The following SCML2 variants were observed in gnomAD, a reference collection of about 807,000 sequenced individuals.
The protein encoded by SCML2 is sex comb on midleg-like protein 2.
SCML2 carries 6 observed loss-of-function variants against 48.4 expected under a neutral mutation model. The ratio of observed to expected loss-of-function variants is 0.12; its 90% confidence interval spans 0.07 to 0.24. SCML2 has a LOEUF of 0.24. SCML2 is among the 10% of genes least tolerant of loss of function. The pLI, the probability that SCML2 is intolerant of heterozygous loss-of-function variation, is 1.00. For synonymous variants in SCML2, 181 were observed against 189.5 expected (o/e 0.95, Z 0.37); for missense variants, 377 against 528.2 (o/e 0.71, Z 2.81).
At position 18,240,996 on chromosome X, in the gene SCML2, A is replaced by T. The variant is rs1369473085; in HGVS notation, c.*255T>A. 1 of 156,629 alleles carries T rather than the reference A, an allele frequency of 6.4e-6. No individual in the cohort carries two copies. The highest frequency in any genetic ancestry group is 3.0e-5 in the African/African-American group (1 of 32,825). 12.9% of individuals were successfully genotyped at this position (156,629 alleles called of 1,213,427 possible). ...AAAGACATAAAGAACTGCCAATTTG[A>T]ATATGCCAATACTAACCTGTTAAAT... is the stretch of plus-strand genomic sequence containing the variant. On this transcript the variant is annotated 3_prime_UTR_variant, in exon 15 of 15. Transcript: ENST00000251900.
At chrX:18,333,895 A>G (rs1929730179) in intron 2 of SCML2, among the ~76,000 whole-genome samples, 155 bp downstream of exon 2, 1 of 112,274 alleles carries the variant, frequency 8.9e-6, no homozygotes, top group Non-Finnish European at 1.9e-5. Flanking sequence ...ATGACCTTTA[A>G]TAGCTATTCA....
At position 18,292,183 on chromosome X, in the gene SCML2, C is replaced by T. The variant is rs1928253559; in HGVS notation, c.730+12789G>A. On this transcript the variant is annotated intron_variant, in intron 7 of 14. Transcript: ENST00000251900. ...GCAAAAAATAACAAGAAAAATAATT[C>T]CCAAGGTTGGCCAGAGTAGGAAAAA... Among the ~76,000 whole-genome samples the T allele has an allele frequency of 2.7e-5, 3 of 111,202 alleles. No homozygotes were observed. The South Asian group carries it at 1.1e-3, about 42-fold the overall frequency.
At chrX:18,325,983 A>G (rs758598368) in intron 3 of SCML2, among the ~76,000 whole-genome samples, 1 of 112,523 alleles carries the variant, frequency 8.9e-6, no homozygotes, top group African/African-American at 3.2e-5. Context: ...AGTGCTGATA[A>G]TGTTTAACAA....
chrX:18,354,746 G>C, upstream of SCML2: 1 of 212,089 alleles, frequency 4.7e-6, no homozygotes, highest in Non-Finnish European at 8.6e-6. Flanking sequence ...CGCGCGGCCG[G>C]CCCGCGTGCC....
chrX:18,281,329 A>T (rs1328281847), intron 7 of SCML2, among the ~76,000 whole-genome samples: 1 of 112,714 alleles, frequency 8.9e-6, no homozygotes. Context: ...ACTTACCGAA[A>T]TCTCTGGGAT....
At chrX:18,293,091 T>C (rs1232320999) in intron 7 of SCML2, among the ~76,000 whole-genome samples, 2 of 111,856 alleles carry the variant, frequency 1.8e-5, no homozygotes, top group African/African-American at 6.5e-5. Context: ...CTTTTCCCAA[T>C]ATTTTGCTTT....
chrX:18,310,686 A>C (rs1181828324), intron 6 of SCML2, among the ~76,000 whole-genome samples: 1 of 110,952 alleles, frequency 9.0e-6, no homozygotes, highest in Non-Finnish European at 1.9e-5. Flanking sequence ...CCTGGGCTCA[A>C]GCAGTCCTCC....
chrX:18,314,062 T>C (rs1929041932), intron 6 of SCML2, among the ~76,000 whole-genome samples: 1 of 112,050 alleles, frequency 8.9e-6, no homozygotes, highest in Non-Finnish European at 1.9e-5. Flanking sequence ...AAATTATAAA[T>C]TTAGCTGAGG....
At chrX:18,319,674 T>C (rs1411177162) in intron 6 of SCML2, among the ~76,000 whole-genome samples, 11 of 109,662 alleles carry the variant, frequency 1.0e-4, no homozygotes, top group African/African-American at 3.7e-4. Flanking sequence ...TGAGAAAATA[T>C]ATTTCTATTA....
Position 18,251,436 on chromosome X carries a change from T to C in SCML2, c.1457-3554A>G, listed in dbSNP as rs759595563. 2.9e-3 allele frequency among the ~76,000 whole-genome samples: 323 copies of C among 109,718 alleles called. 1 individual carries two copies. Among genetic ancestry groups the C allele is most frequent in the African/African-American group, 0.01 (312 of 29,974 alleles). ...ATCCAGAATATACGAAGAACTCTTA[T>C]GACTCAACAATAAAAAGACAATGAA... On this transcript the variant is annotated intron_variant, in intron 11 of 14. Transcript: ENST00000251900.
chrX:18,245,751 CTTTT>C (rs1926422406), intron 13 of SCML2, among the ~76,000 whole-genome samples: 1 of 111,832 alleles, frequency 8.9e-6, no homozygotes, highest in African/African-American at 3.3e-5. Context: ...TTTCTTCTTT[CTTTT>C]TGAGATGGAG....
At chrX:18,250,817 G>T (rs900301463) in intron 11 of SCML2, among the ~76,000 whole-genome samples, 4 of 111,385 alleles carry the variant, frequency 3.6e-5, no homozygotes, top group African/African-American at 1.3e-4. Context: ...ACTGGAGACT[G>T]GGTAATTTAT....
intron 13 of SCML2, among the ~76,000 whole-genome samples, chrX:18,245,059 T>C (rs1010079610): frequency 3.6e-5 from 4 of 111,762 alleles, no homozygotes; most frequent in African/African-American, 1.3e-4. Context: ...CTTAGCCAAA[T>C]GACTTCAAAT....
At chrX:18,248,955 A>T (rs1926547957) in intron 11 of SCML2, among the ~76,000 whole-genome samples, 2 of 111,845 alleles carry the variant, frequency 1.8e-5, no homozygotes, top group Non-Finnish European at 3.8e-5. Flanking sequence ...GGCTGAAACA[A>T]ATATAAAATT....
At chrX:18,354,272 G>A (rs1347286837) in intron 1 of SCML2, among the ~76,000 whole-genome samples, 1 of 113,216 alleles carries the variant, frequency 8.8e-6, no homozygotes, top group African/African-American at 3.2e-5. Flanking sequence ...GGATGCGCCG[G>A]AGGGCGCTGT....
chrX:18,241,946 T>G (rs767513515), intron 14 of SCML2, among the ~76,000 whole-genome samples: 1 of 112,227 alleles, frequency 8.9e-6, no homozygotes, highest in African/African-American at 3.2e-5. Flanking sequence ...TCACAAGGCA[T>G]CCTCCTAAAA....
Position 18,334,065 on chromosome X carries a change from G to C in SCML2, c.7C>G (p.Gln3Glu), listed in dbSNP as rs1191011524. The C allele has an allele frequency of 1.7e-6, 2 of 1,193,381 alleles. No individual in the cohort carries two copies. ...TAAATCTTACCTTCATTCACTGTTT[G>C]TCCCATGGTATCCCTATTTGGTGTT... Reference protein sequence around the residue: MGQTVNEDSMDVK... With the variant: MGETVNEDSMDVK... Residue 3 changes from glutamine (Q) to glutamate (E), a missense_variant, in exon 2 of 15, where the codon CAA becomes GAA. Around this residue, in one of 3 missense-constraint regions of SCML2, gnomAD observed 61 missense variants for 59.9 expected, o/e 1.02. Coordinates refer to ENST00000251900, the MANE Select transcript of SCML2 (RefSeq NM_006089.3).
intron 6 of SCML2, among the ~76,000 whole-genome samples, chrX:18,315,179 T>C (rs2147532804): frequency 9.7e-6 from 1 of 103,458 alleles, no homozygotes; most frequent in Admixed American, 1.1e-4. Context: ...GGATTTAACA[T>C]CTGACTTGAA....
In SCML2 at chrX:18,246,729, G is replaced by A. The variant is rs943639581; in HGVS notation, c.1670C>T (p.Pro557Leu). ...AATATACATAGGATTTCTACAGGCA[G>A]GATTCAAATAATTTCCTGAATTTAG... ...SSLNSGNYLN[P>L]ACRNPMYIHT... The change falls in exon 13 of 15, where the codon CCT becomes CTT. Residue 557 changes from proline to leucine, a missense_variant. Pro to Leu is a moderately conservative substitution (Grantham distance 98). This residue lies in a region of SCML2 where 299 missense variants were observed against 425.5 expected (regional missense o/e 0.70). Coordinates refer to ENST00000251900, the MANE Select transcript of SCML2 (RefSeq NM_006089.3). The A allele has an allele frequency of 3.3e-5, 40 of 1,207,381 alleles. No individual in the cohort carries two copies. The highest frequency in any genetic ancestry group is 4.5e-5 in the Non-Finnish European group (40 of 893,260).
Sources: gnomAD v4.1 joint callset for allele counts (sites outside exome capture counted in the v4.1 genomes callset) on GRCh38, gnomAD v4.1.1 for gene constraint, gnomAD v4.1.1 regional missense constraint, MANE v1.5 for transcripts, NCBI Gene and HGNC (gene_info 2026-07-23, HGNC 2026-07-21) for gene names.